POU6F1: variants seen among roughly 807,000 people sequenced by gnomAD.
POU6F1 encodes the protein POU class 6 homeobox 1, also known as POU domain, class 6, transcription factor 1.
Under a neutral mutation model 28.9 loss-of-function variants are expected in POU6F1, and 9 were observed. The ratio of observed to expected loss-of-function variants is 0.31; its 90% CI spans 0.19 to 0.54. The LOEUF (loss-of-function observed/expected upper bound fraction) is 0.54. Among genes scored for constraint, POU6F1 ranks in the 20% least tolerant of loss-of-function variants. The pLI is 0.94. For missense variants in POU6F1, 338 were observed against 426.1 expected (o/e 0.79, Z 1.82); for synonymous variants, 173 against 171.1 (o/e 1.01, Z -0.09).
Position 51,199,193 on chromosome 12 carries a change from GCC to G in POU6F1, c.367-420_367-419del, listed in dbSNP as rs1565614232. 6.7e-6 allele frequency among the ~76,000 whole-genome samples: 1 copy of G among 149,080 alleles called. No individual in the cohort carries two copies. The highest frequency in any genetic ancestry group is 2.5e-5 in the African/African-American group (1 of 40,346). On this transcript the variant is annotated intron_variant, in intron 4 of 10. Transcript: ENST00000333640. The surrounding 1 kb of genome is among the most constrained non-coding windows in gnomAD (Gnocchi z 4.1). ...AGGCTAATGGAACCAAGTGGTCAAG[GCC>G]CCGCAGAGGCTAATGGAACCAAGTG...
intron 1 of POU6F1, among the ~76,000 whole-genome samples, chr12:51,215,076 A>C (rs1015138002): frequency 5.9e-5 from 9 of 152,208 alleles, no homozygotes; most frequent in Admixed American, 1.3e-4. Context: ...CTGGTGCCTA[A>C]GATAATATCT....
At chr12:51,197,665 T>C (rs939615820) in intron 6 of POU6F1, 105 bp downstream of exon 6, 9 of 395,374 alleles carry the variant, frequency 2.3e-5, no homozygotes, top group Non-Finnish European at 4.0e-5. Context: ...GGAAAAGGGC[T>C]GTTTTCGGGG....
In POU6F1 at chr12:51,200,179, G is replaced by A. The variant is rs192215246; in HGVS notation, c.245-311C>T. Among the ~76,000 whole-genome samples the A allele has an allele frequency of 2.0e-5, 3 of 152,290 alleles. No homozygotes were observed. In the East Asian group the frequency reaches 5.8e-4, roughly 29 times the overall value. ...TAGCCCTCATTTCCTGGCCCTGTAA[G>A]GACTGTCACATCATCAACAGAGGAG... On this transcript the variant is annotated intron_variant, in intron 3 of 10. Transcript: ENST00000333640.
At chr12:51,208,304 A>AAG (rs747007722) in intron 1 of POU6F1, among the ~76,000 whole-genome samples, 16 of 150,974 alleles carry the variant, frequency 1.1e-4, no homozygotes, top group African/African-American at 1.7e-4. Flanking sequence ...TGTCTCAAAA[A>AAG]AGAGAGAGAG....
chr12:51,217,703 T>A lies in POU6F1; in HGVS notation c.-109A>T, dbSNP rs1266324033. The A allele has an allele frequency of 6.6e-6, 1 of 151,318 alleles. No homozygotes were observed. The highest frequency in any genetic ancestry group is 1.5e-5 in the Non-Finnish European group (1 of 67,636). The allele number at this position is 151,318 out of a possible 1,614,324, so 9.4% of individuals were successfully genotyped here. On this transcript the variant is annotated 5_prime_UTR_variant, in exon 1 of 11. The change abolishes an upstream ATG in the 5' untranslated region. Transcript: ENST00000333640. The surrounding 1 kb of genome is among the most constrained non-coding windows in gnomAD (Gnocchi z 5.3). ...CTGGCGGCCACCGATTAGAGATTCA[T>A]CTCACAGCCCGGGCCAGGGGGCCGG...
chr12:51,190,729 C>T lies in POU6F1; in HGVS notation c.1491-137G>A, dbSNP rs1277709202. On this transcript the variant is annotated intron_variant, in intron 10 of 10. Transcript: ENST00000333640. This position sits in a 1 kb window ranked among gnomAD's most constrained non-coding sequence, Gnocchi z 4.5. Reference sequence around the variant, plus strand: ...GTGAGACTGTACCCAGTGCTCCCCTCACCACCTCCACCAAGACCCCTCTAG... The same window carrying T: ...GTGAGACTGTACCCAGTGCTCCCCTTACCACCTCCACCAAGACCCCTCTAG... 1 of 1,312,932 alleles carries T rather than the reference C, an allele frequency of 7.6e-7. No individual in the cohort carries two copies. The allele number at this position is 1,312,932 out of a possible 1,614,324, so 81.3% of individuals were successfully genotyped here.
chr12:51,197,102 C>T, intron 6 of POU6F1, 175 bp from the exon 7 acceptor site: 1 of 424,558 alleles, frequency 2.4e-6, no homozygotes, highest in South Asian at 2.9e-5. Flanking sequence ...GTTTCCAGGG[C>T]TAGGGGTCTA....
rs982388658 is a variant in POU6F1 at position 51,190,886 on chromosome 12, C to T, written c.1491-294G>A. On this transcript the variant is annotated intron_variant, in intron 10 of 10. Coordinates refer to ENST00000333640, the MANE Select transcript of POU6F1 (RefSeq NM_001330422.2). This position sits in a 1 kb window ranked among gnomAD's most constrained non-coding sequence, Gnocchi z 4.5. Reference sequence around the variant, plus strand: ...TGCCTTACAAACAACCATTCTAGAACGTTCCCCTAAATGAATGAAGTCCTT... The same window carrying T: ...TGCCTTACAAACAACCATTCTAGAATGTTCCCCTAAATGAATGAAGTCCTT... Among the ~76,000 whole-genome samples, 5 of 108,152 alleles carry T rather than the reference C, an allele frequency of 4.6e-5. No homozygotes were observed. The highest frequency in any genetic ancestry group is 5.6e-4 in the East Asian group (2 of 3,596). The allele number at this position is 108,152 out of a possible 152,430, so 71.0% of individuals were successfully genotyped here.
rs1253611324 is a variant in POU6F1 at position 51,189,513 on chromosome 12, T to A, written c.*734A>T. 1 of 152,134 alleles carries A rather than the reference T, an allele frequency of 6.6e-6. No individual in the cohort carries two copies. The highest frequency in any genetic ancestry group is 1.5e-5 in the Non-Finnish European group (1 of 68,054). The allele number at this position is 152,134 out of a possible 1,614,324, so 9.4% of individuals were successfully genotyped here. On this transcript the variant is annotated 3_prime_UTR_variant, in exon 11 of 11. Coordinates refer to ENST00000333640, the MANE Select transcript of POU6F1 (RefSeq NM_001330422.2). Reference sequence around the variant, plus strand: ...AGACCCAGGAGAACTCCAGAACAGGTAGAGTTCACTGTTGCTTCCTTCCAA... The same window carrying A: ...AGACCCAGGAGAACTCCAGAACAGGAAGAGTTCACTGTTGCTTCCTTCCAA...
intron 1 of POU6F1, among the ~76,000 whole-genome samples, chr12:51,210,765 C>T (rs886516042): frequency 6.6e-6 from 1 of 152,198 alleles, no homozygotes; most frequent in African/African-American, 2.4e-5. Context: ...TCCAACCCAC[C>T]CACCAGATTT....
intron 3 of POU6F1, among the ~76,000 whole-genome samples, chr12:51,203,673 C>T (rs751585678): frequency 6.6e-6 from 1 of 152,210 alleles, no homozygotes; most frequent in African/African-American, 2.4e-5. Context: ...GGCCCACCCC[C>T]ACCAGTCCAG....
intron 1 of POU6F1, among the ~76,000 whole-genome samples, chr12:51,214,887 A>C (rs1290881910): frequency 6.6e-6 from 1 of 152,098 alleles, no homozygotes; most frequent in African/African-American, 2.4e-5. Context: ...TGAGCCCAAG[A>C]AGGTGAAGCT....
At chr12:51,209,566 C>T (rs546236856) in intron 1 of POU6F1, among the ~76,000 whole-genome samples, 7 of 152,304 alleles carry the variant, frequency 4.6e-5, no homozygotes, top group African/African-American at 1.2e-4. Context: ...TACCTTTTGG[C>T]TATTGCAAAT....
chr12:51,196,307 T>TTTTACTCATGCAGAA, intron 7 of POU6F1, 134 bp from the exon 8 acceptor site: 1 of 717,576 alleles, frequency 1.4e-6, no homozygotes, highest in South Asian at 2.2e-5. Flanking sequence ...AGCTTCTGCA[T>TTTTACTCATGCAGAA]GAGTAAAATG....
chr12:51,196,229 C>G (rs896417027), intron 7 of POU6F1, 56 bp from the exon 8 acceptor site: 1 of 1,359,684 alleles, frequency 7.4e-7, no homozygotes, highest in Non-Finnish European at 9.8e-7. Flanking sequence ...AGCTCCACCC[C>G]AAACCCAGAT....
At chr12:51,206,385 T>C (rs1240284312) in intron 2 of POU6F1, among the ~76,000 whole-genome samples, 1 of 149,996 alleles carries the variant, frequency 6.7e-6, no homozygotes, top group East Asian at 2.0e-4. Flanking sequence ...ATTGCGCCAC[T>C]GCACTCCAGC....
chr12:51,203,555 T>C (rs921585117), intron 3 of POU6F1, among the ~76,000 whole-genome samples: 4 of 152,228 alleles, frequency 2.6e-5, no homozygotes, highest in African/African-American at 7.2e-5. Context: ...TGCATACTGA[T>C]GTGAAGGTAG....
In POU6F1 at chr12:51,189,431, G is replaced by A. The variant is rs1942249657; in HGVS notation, c.*816C>T. ...TTTGTGGGAGGGATGGCCATTGACA[G>A]AGATTAAATTAAAATATGAAAGAAC... On this transcript the variant is annotated 3_prime_UTR_variant, in exon 11 of 11. Transcript: ENST00000333640. 6.6e-6 allele frequency: 1 copy of A among 152,192 alleles called. No homozygotes were observed. 9.4% of individuals were successfully genotyped at this position (152,192 alleles called of 1,614,324 possible). A position where few individuals can be genotyped will look rare whatever the true frequency, so the allele number is the denominator to read the frequency against.
At chr12:51,197,436 C>A (rs1196062268) in intron 6 of POU6F1, among the ~76,000 whole-genome samples, 4 of 152,218 alleles carry the variant, frequency 2.6e-5, no homozygotes, top group Non-Finnish European at 5.9e-5. Context: ...ACTGGACAGA[C>A]ACCAGCATAG....
Sources: allele counts gnomAD v4.1 joint callset (sites outside exome capture counted in the v4.1 genomes callset), GRCh38; gene constraint gnomAD v4.1.1; non-coding constraint Gnocchi (gnomAD v3.1); transcripts MANE v1.5; gene names NCBI Gene and HGNC (gene_info 2026-07-23, HGNC 2026-07-21).